PDE3A: variants seen among roughly 807,000 people sequenced by gnomAD.
The protein encoded by PDE3A is cGMP-inhibited 3',5'-cyclic phosphodiesterase 3A.
PDE3A carries 43 observed loss-of-function variants against 98.3 expected under a neutral mutation model. The observed-to-expected ratio is 0.44, with a 90% CI of 0.34 to 0.56. The LOEUF (loss-of-function observed/expected upper bound fraction) is 0.56, where lower values mean the gene tolerates loss of function less well. PDE3A is among the 20% of genes least tolerant of loss of function. The pLI is 0.01. For missense variants in PDE3A, 1,427 were observed against 1,440.7 expected (o/e 0.99, Z 0.15); for synonymous variants, 663 against 567.9 (o/e 1.17, Z -2.38).
At position 20,371,006 on chromosome 12, in the gene PDE3A, T is replaced by C. The variant is rs1163668438; in HGVS notation, c.960+762T>C. On this transcript the variant is annotated intron_variant, in intron 1 of 15. Coordinates refer to ENST00000359062, the MANE Select transcript of PDE3A (RefSeq NM_000921.5). Reference sequence around the variant, plus strand: ...AAAACAGTTCTCTTTAGTATGTGCATACTTAAGTGGATATTTATAAATTCA... The same window carrying C: ...AAAACAGTTCTCTTTAGTATGTGCACACTTAAGTGGATATTTATAAATTCA... 3.9e-5 allele frequency among the ~76,000 whole-genome samples: 6 copies of C among 152,364 alleles called. No homozygotes were observed. In the East Asian group the frequency reaches 1.2e-3, roughly 29 times the overall value.
At chr12:20,384,304 CA>C (rs1943711880) in intron 1 of PDE3A, among the ~76,000 whole-genome samples, 1 of 151,436 alleles carries the variant, frequency 6.6e-6, no homozygotes, top group African/African-American at 2.4e-5. Flanking sequence ...AAATTCTAAT[CA>C]AGCATCTCAA....
At chr12:20,630,644 T>A (rs1355551141) in intron 6 of PDE3A, among the ~76,000 whole-genome samples, 1 of 152,194 alleles carries the variant, frequency 6.6e-6, no homozygotes, top group Non-Finnish European at 1.5e-5. Flanking sequence ...TGCTATTCTA[T>A]CATGTTGAAA....
intron 1 of PDE3A, among the ~76,000 whole-genome samples, chr12:20,393,133 G>T (rs182862770): frequency 1.3e-5 from 2 of 152,044 alleles, no homozygotes; most frequent in Admixed American, 1.3e-4. Context: ...GAATTGTAAT[G>T]TTCCTTTATT....
chr12:20,561,189 C>T (rs1942508696), intron 2 of PDE3A, among the ~76,000 whole-genome samples: 1 of 151,804 alleles, frequency 6.6e-6, no homozygotes, highest in Non-Finnish European at 1.5e-5. Flanking sequence ...GCCCCGGAGG[C>T]AGAGGCTGCA....
intron 1 of PDE3A, among the ~76,000 whole-genome samples, chr12:20,500,662 T>C (rs532806870): frequency 6.6e-6 from 1 of 152,260 alleles, no homozygotes; most frequent in Admixed American, 6.5e-5. Flanking sequence ...TAATCAAATA[T>C]GTTCCTCAAG....
rs147240893 is a variant in PDE3A, at chr12:20,487,668, A to T, written c.961-68992A>T. Among the ~76,000 whole-genome samples the T allele has an allele frequency of 3.1e-4, 22 of 70,340 alleles. No homozygotes were observed. In the South Asian group the frequency reaches 8.8e-3, roughly 28 times the overall value. The allele number at this position is 70,340 out of a possible 152,430, so 46.1% of individuals were successfully genotyped here. A position where few individuals can be genotyped will look rare whatever the true frequency, so the allele number is the denominator to read the frequency against. ...ACTCAGGCTTAAGAAAAAAAAATAAATAAATAAAAAAAGTGGTCAGTTTCT... is the reference window on the plus strand; with the variant it reads ...ACTCAGGCTTAAGAAAAAAAAATAATTAAATAAAAAAAGTGGTCAGTTTCT... On this transcript the variant is annotated intron_variant, in intron 1 of 15. Coordinates refer to ENST00000359062, the MANE Select transcript of PDE3A (RefSeq NM_000921.5).
At chr12:20,413,335 T>C (rs1319031372) in intron 1 of PDE3A, among the ~76,000 whole-genome samples, 2 of 152,128 alleles carry the variant, frequency 1.3e-5, no homozygotes, top group Admixed American at 1.3e-4. Context: ...CACCATTTTT[T>C]TTGTTGTTGC....
At chr12:20,591,873 T>A (rs1205312215) in intron 2 of PDE3A, among the ~76,000 whole-genome samples, 1 of 152,160 alleles carries the variant, frequency 6.6e-6, no homozygotes. Flanking sequence ...GTTTTCAAAG[T>A]AAGAAAGTCT....
chr12:20,567,045 C>T (rs1351652523), intron 2 of PDE3A, among the ~76,000 whole-genome samples: 1 of 151,800 alleles, frequency 6.6e-6, no homozygotes, highest in Non-Finnish European at 1.5e-5. Context: ...AATCCTAGGA[C>T]AATTTAGTTT....
intron 2 of PDE3A, among the ~76,000 whole-genome samples, chr12:20,558,990 C>T (rs916799343): frequency 5.3e-5 from 8 of 152,074 alleles, no homozygotes; most frequent in African/African-American, 9.7e-5. Context: ...TTTCCAAGAG[C>T]TCACAAATTA....
chr12:20,614,823 C>G (rs930436957), intron 3 of PDE3A, among the ~76,000 whole-genome samples: 5 of 152,034 alleles, frequency 3.3e-5, no homozygotes, highest in Admixed American at 3.3e-4. Flanking sequence ...TAATTCACTT[C>G]TCAAAATTTT....
chr12:20,582,094 C>T (rs1326717971), intron 2 of PDE3A, among the ~76,000 whole-genome samples: 2 of 151,926 alleles, frequency 1.3e-5, no homozygotes, highest in South Asian at 4.1e-4. Flanking sequence ...TCAGATTCCT[C>T]TAAAAAGAAC....
chr12:20,445,330 A>AT (rs5796860), intron 1 of PDE3A, among the ~76,000 whole-genome samples: 4 of 151,534 alleles, frequency 2.6e-5, no homozygotes, highest in Admixed American at 1.3e-4. Flanking sequence ...CCTTGAGAAA[A>AT]TTTTTTTTTC....
At chr12:20,458,877 A>G (rs1057408445) in intron 1 of PDE3A, among the ~76,000 whole-genome samples, 4 of 152,222 alleles carry the variant, frequency 2.6e-5, no homozygotes, top group African/African-American at 9.6e-5. Flanking sequence ...TATAGTCATT[A>G]ACATGGTGTT....
At chr12:20,644,546 C>T (rs928807111) in intron 10 of PDE3A, among the ~76,000 whole-genome samples, 4 of 152,218 alleles carry the variant, frequency 2.6e-5, no homozygotes, top group Non-Finnish European at 5.9e-5. Flanking sequence ...AAAAGCACAC[C>T]TGTCCCAAAT....
chr12:20,680,246 T>C lies in PDE3A; in HGVS notation c.3401T>C (p.Ile1134Thr). 6.2e-7 allele frequency: 1 copy of C among 1,613,958 alleles called. No homozygotes were observed. Among genetic ancestry groups the C allele is most frequent in the East Asian group, 2.2e-5 (1 of 44,858 alleles). The change falls in exon 16 of 16, where the codon ATA (isoleucine) becomes ACA (threonine). Residue 1134 changes from isoleucine (I) to threonine (T), a missense_variant. This residue lies in a region of PDE3A where 142 missense variants were observed against 133.9 expected (regional missense o/e 1.06). Transcript: ENST00000359062. ...AAAGGGAAACCAAGAGGCGAGGAGA[T>C]ACCAACCCAAAAGCCAGACCAGTGA... Reference protein sequence around the residue: ...EEKGKPRGEEIPTQKPDQ With the variant: ...EEKGKPRGEETPTQKPDQ
At chr12:20,543,435 A>G (rs780583873) in intron 1 of PDE3A, among the ~76,000 whole-genome samples, 3 of 151,982 alleles carry the variant, frequency 2.0e-5, no homozygotes, top group Non-Finnish European at 4.4e-5. Context: ...TCTGGCCCCA[A>G]AGAGTAGCCT....
rs969968370 is a variant in PDE3A, at chr12:20,630,118, T to C, written c.1751T>C (p.Ile584Thr). The change falls in exon 6 of 16, where the codon ATA (isoleucine) becomes ACA (threonine). Residue 584 changes from isoleucine to threonine, a missense_variant. Ile to Thr is a moderately conservative substitution (Grantham distance 89). Around this residue, in one of 3 missense-constraint regions of PDE3A, gnomAD observed 1,012 missense variants for 886.5 expected, o/e 1.14. Transcript: ENST00000359062. ...LSPQILTPPV[I>T]CSSCGRPYSQ... is the part of the protein sequence containing the mutation. ...CCTCAAATCCTGACTCCACCTGTTA[T>C]ATGTAGCAGGTAAGGATTTTTTATG... is the stretch of plus-strand genomic sequence containing the variant. The C allele has an allele frequency of 3.1e-6, 5 of 1,600,712 alleles. No homozygotes were observed. In the African/African-American group the frequency reaches 5.4e-5, roughly 17 times the overall value.
rs115930746 is a variant in PDE3A, at chr12:20,552,596, C to G, written c.961-4064C>G. The G allele has an allele frequency of 3.1e-6, 5 of 1,613,500 alleles. No homozygotes were observed. Among genetic ancestry groups the G allele is most frequent in the Non-Finnish European group, 4.2e-6 (5 of 1,179,796 alleles). On this transcript the variant is annotated intron_variant, in intron 1 of 15. Coordinates refer to ENST00000359062, the MANE Select transcript of PDE3A (RefSeq NM_000921.5). This position sits in a 1 kb window ranked among gnomAD's most constrained non-coding sequence, Gnocchi z 5.1. ...AAGCGGAAGTCGGCAGGAGGTGGCC[C>G]GAGCAGGGCCGGGTCCCCGCGCCGG... is the stretch of plus-strand genomic sequence containing the variant.
Sources: allele counts gnomAD v4.1 joint callset (sites outside exome capture counted in the v4.1 genomes callset), GRCh38; gene constraint gnomAD v4.1.1; regional missense constraint gnomAD v4.1.1; non-coding constraint Gnocchi (gnomAD v3.1); transcripts MANE v1.5; gene names NCBI Gene and HGNC (gene_info 2026-07-23, HGNC 2026-07-21).